SMURF1: variants seen among roughly 807,000 people sequenced by gnomAD.
SMURF1 encodes E3 ubiquitin-protein ligase SMURF1.
A neutral mutation model predicts 98.0 loss-of-function variants in SMURF1; 44 were observed. That is an observed-to-expected ratio of 0.45 (90% CI 0.35 to 0.58). SMURF1 has a LOEUF of 0.58. SMURF1 is among the 20% of genes least tolerant of loss of function. The pLI, the probability that SMURF1 is intolerant of heterozygous loss-of-function variation, is 0.00. For missense variants in SMURF1, 687 were observed against 938.4 expected (o/e 0.73, Z 3.50); for synonymous variants, 396 against 374.9 (o/e 1.06, Z -0.65).
At chr7:99,071,114 C>T (rs1277804124) in intron 1 of SMURF1, among the ~76,000 whole-genome samples, 1 of 149,976 alleles carries the variant, frequency 6.7e-6, no homozygotes, top group African/African-American at 2.5e-5. Context: ...GGCTGGAGTG[C>T]AGTGGCACGA....
intron 3 of SMURF1, among the ~76,000 whole-genome samples, chr7:99,058,278 T>C (rs1421369927): frequency 6.6e-6 from 1 of 151,948 alleles, no homozygotes; most frequent in African/African-American, 2.4e-5. Flanking sequence ...TACAGGCACC[T>C]GCCACCACAC....
At chr7:99,054,738 G>T in intron 6 of SMURF1, 52 bp downstream of exon 6, 1 of 1,528,036 alleles carries the variant, frequency 6.5e-7, no homozygotes, top group Non-Finnish European at 9.1e-7. Flanking sequence ...TATAGGCCGA[G>T]AGGTTAAGGC....
chr7:99,103,748 G>T (rs1309856803), intron 1 of SMURF1, among the ~76,000 whole-genome samples: 1 of 152,132 alleles, frequency 6.6e-6, no homozygotes, highest in African/African-American at 2.4e-5. Context: ...TTCAATGATG[G>T]AAATTGCTTG....
chr7:99,140,281 C>CTTTT lies in SMURF1; in HGVS notation c.55+3441_55+3444dup, dbSNP rs11421940. 1.6e-3 allele frequency among the ~76,000 whole-genome samples: 133 copies of CTTTT among 85,804 alleles called. 1 individual carries two copies. The highest frequency in any genetic ancestry group is 0.011 in the Middle Eastern group (1 of 88). The allele number at this position is 85,804 out of a possible 152,430, so 56.3% of individuals were successfully genotyped here. A position where few individuals can be genotyped will look rare whatever the true frequency, so the allele number is the denominator to read the frequency against. ...TTCTAAATGTAGTATCTTCAGTATC[C>CTTTT]TTTTTTTTTTTTTTTTTTTTTTTGA... On this transcript the variant is annotated intron_variant, in intron 1 of 17. Transcript: ENST00000361368.
chr7:99,085,353 CA>C (rs992976220), intron 1 of SMURF1, among the ~76,000 whole-genome samples: 100 of 52,312 alleles, frequency 1.9e-3, no homozygotes, highest in African/African-American at 4.0e-3. Flanking sequence ...AACTCCATCT[CA>C]AAAAAAAAAA....
chr7:99,110,112 A>G (rs1797286332), intron 1 of SMURF1, among the ~76,000 whole-genome samples: 1 of 152,258 alleles, frequency 6.6e-6, no homozygotes, highest in Admixed American at 6.5e-5. Flanking sequence ...AAGAATAAGA[A>G]TAATTCAGTA....
At chr7:99,102,701 C>T (rs1359893712) in intron 1 of SMURF1, among the ~76,000 whole-genome samples, 1 of 152,174 alleles carries the variant, frequency 6.6e-6, no homozygotes, top group African/African-American at 2.4e-5. Context: ...AAATAAGTGG[C>T]TCTTTCAATG....
At chr7:99,046,388 G>A (rs965272552) in intron 10 of SMURF1, among the ~76,000 whole-genome samples, 14 of 152,114 alleles carry the variant, frequency 9.2e-5, no homozygotes, top group Admixed American at 3.3e-4. Context: ...ATTCAGTAAC[G>A]AGGCACTTAA....
At chr7:99,038,320 G>A (rs1795234738) in intron 14 of SMURF1, 68 bp downstream of exon 14, 2 of 1,574,928 alleles carry the variant, frequency 1.3e-6, no homozygotes, top group Admixed American at 1.7e-5. Flanking sequence ...CAGCGAAGGA[G>A]CTACAGCAAC....
chr7:99,037,107 G>A lies in SMURF1; in HGVS notation c.1769C>T (p.Pro590Leu). Residue 590 changes from proline (P) to leucine (L), a missense_variant, in exon 15 of 18, where the codon CCT becomes CTT. Physicochemically the swap from Pro to Leu is moderately conservative, Grantham distance 98 (BLOSUM62 -3). Coordinates refer to ENST00000361368, the MANE Select transcript of SMURF1 (RefSeq NM_181349.3). Reference protein sequence around the residue: ...ALQKGFNELIPQHLLKPFDQK... With the variant: ...ALQKGFNELILQHLLKPFDQK... ...GTCAAAAGGCTTCAGCAGATGTTGA[G>A]GGATGAGCTCATTGAACCCCTTCTG... is the stretch of plus-strand genomic sequence containing the variant. 1.5e-5 allele frequency: 25 copies of A among 1,614,162 alleles called. No homozygotes were observed. The highest frequency in any genetic ancestry group is 2.0e-5 in the Non-Finnish European group (24 of 1,180,046).
intron 1 of SMURF1, among the ~76,000 whole-genome samples, chr7:99,123,626 GTT>G (rs2150628227): frequency 6.6e-6 from 1 of 152,186 alleles, no homozygotes; most frequent in African/African-American, 2.4e-5. Flanking sequence ...ATTTTATATG[GTT>G]ACTCATCTGT....
chr7:99,101,720 G>A (rs1406163331), intron 1 of SMURF1, among the ~76,000 whole-genome samples: 2 of 152,114 alleles, frequency 1.3e-5, no homozygotes, highest in Admixed American at 1.3e-4. Flanking sequence ...CAGGCGGATC[G>A]CCTGAGGTCA....
At chr7:99,090,590 C>T (rs1796786272) in intron 1 of SMURF1, among the ~76,000 whole-genome samples, 1 of 152,130 alleles carries the variant, frequency 6.6e-6, no homozygotes, top group South Asian at 2.1e-4. Flanking sequence ...TCTCTGCCTT[C>T]TGTTCTGAAA....
Position 99,042,030 on chromosome 7 carries a change from A to G in SMURF1, c.1371+88T>C, listed in dbSNP as rs1795405749. 3 of 1,083,774 alleles carry G rather than the reference A, an allele frequency of 2.8e-6. No individual in the cohort carries two copies. In the East Asian group the frequency reaches 7.2e-5, roughly 26 times the overall value. The allele number at this position is 1,083,774 out of a possible 1,614,324, so 67.1% of individuals were successfully genotyped here. A position where few individuals can be genotyped will look rare whatever the true frequency, so the allele number is the denominator to read the frequency against. ...ACTGTCTTTGATTAAGTCTACAACA[A>G]ATAGACCAAGGACTGAGAATGAAAC... On this transcript the variant is annotated intron_variant, in intron 12 of 17. Coordinates refer to ENST00000361368, the MANE Select transcript of SMURF1 (RefSeq NM_181349.3).
chr7:99,125,061 A>T (rs914096010), intron 1 of SMURF1, among the ~76,000 whole-genome samples: 1 of 1,340 alleles, frequency 7.5e-4, no homozygotes, highest in African/African-American at 1.3e-3. Context: ...AAAAATTTTC[A>T]TTCATTCATT....
chr7:99,040,401 C>T lies in SMURF1; in HGVS notation c.1527G>A (p.Leu509=). The T allele has an allele frequency of 1.9e-6, 3 of 1,551,230 alleles. No individual in the cohort carries two copies. The highest frequency in any genetic ancestry group is 1.2e-5 in the South Asian group (1 of 80,964). Reference sequence around the variant, plus strand: ...ACAGGATCCACACCAAGCTCTTATGCAGCTCTGGGTCCACAGATTCCAGAT... The same window carrying T: ...ACAGGATCCACACCAAGCTCTTATGTAGCTCTGGGTCCACAGATTCCAGAT... ...LSDLESVDPE[L]HKSLVWILEN... is the part of the protein sequence containing the mutation. The change falls in exon 13 of 18, where the codon CTG becomes CTA. Residue 509 remains leucine, a synonymous_variant. Coordinates refer to ENST00000361368, the MANE Select transcript of SMURF1 (RefSeq NM_181349.3).
chr7:99,043,879 A>G (rs1795478597), intron 11 of SMURF1, among the ~76,000 whole-genome samples: 1 of 152,230 alleles, frequency 6.6e-6, no homozygotes. Flanking sequence ...TGGGACGCCC[A>G]GGACAATGGA....
chr7:99,033,111 G>A lies in SMURF1; in HGVS notation c.2022C>T (p.Gly674=), dbSNP rs774218391. 2.8e-5 allele frequency: 45 copies of A among 1,579,288 alleles called. No individual in the cohort carries two copies. Among genetic ancestry groups the A allele is most frequent in the Admixed American group, 9.1e-5 (5 of 54,788 alleles). ...QGFKALQGST[G]AAGPRLFTIH... ...TGGTGAACAGCCGGGGCCCTGCCGC[G>A]CCTGTAGAACCTTACAAGACAACAT... Residue 674 remains glycine (G), a synonymous_variant, in exon 17 of 18, where the codon GGC becomes GGT. Coordinates refer to ENST00000361368, the MANE Select transcript of SMURF1 (RefSeq NM_181349.3).
chr7:99,032,823 CG>C (rs112056114), intron 17 of SMURF1: 5 of 719,032 alleles, frequency 7.0e-6, no homozygotes, highest in Non-Finnish European at 7.2e-6. Flanking sequence ...GTCGTAATGT[CG>C]GGGGGAAAGT....
Sources: allele counts gnomAD v4.1 joint callset (sites outside exome capture counted in the v4.1 genomes callset), GRCh38; gene constraint gnomAD v4.1.1; transcripts MANE v1.5; gene names NCBI Gene and HGNC (gene_info 2026-07-23, HGNC 2026-07-21).